Variants in SOCS2 observed in about 807,000 individuals in gnomAD.
SOCS2 encodes CIS-2.
A neutral mutation model predicts 18.6 loss-of-function variants in SOCS2; 10 were observed. The observed-to-expected ratio is 0.54, with a 90% confidence interval of 0.33 to 0.91. SOCS2 has a LOEUF of 0.91. Ranked by LOEUF, SOCS2 falls within the 40% of genes least tolerant of loss-of-function variation. The pLI is 0.02. For missense variants in SOCS2, 231 were observed against 247.2 expected, an observed-to-expected ratio of 0.93 and a Z score of 0.44; for synonymous variants, 104 against 104.0, an observed-to-expected ratio of 1.00 and a Z score of 0.00.
At chr12:93,594,132 TA>T in the SOCS2 span, among the ~76,000 whole-genome samples, 1 of 152,218 alleles carries the variant, frequency 6.6e-6, no homozygotes, top group African/African-American at 2.4e-5. Context: ...TTTTTTGAAA[TA>T]AAAAGGGAAG....
the SOCS2 span, among the ~76,000 whole-genome samples, chr12:93,603,374 A>G: frequency 6.6e-6 from 1 of 152,292 alleles, no homozygotes. Context: ...AGACTCAAAA[A>G]GGTTAGGCCC....
chr12:93,612,479 C>A, the SOCS2 span, among the ~76,000 whole-genome samples: 3 of 152,102 alleles, frequency 2.0e-5, no homozygotes, highest in African/African-American at 7.2e-5. Flanking sequence ...TTCCTTTGAA[C>A]CAGTTTCATA....
chr12:93,590,504 G>C, the SOCS2 span, among the ~76,000 whole-genome samples: 1 of 151,414 alleles, frequency 6.6e-6, no homozygotes, highest in Non-Finnish European at 1.5e-5. Flanking sequence ...ACTATTAAAA[G>C]TTAGCTTCCC....
downstream of SOCS2, among the ~76,000 whole-genome samples, chr12:93,578,877 T>A (rs1954500881): frequency 6.6e-6 from 1 of 152,206 alleles, no homozygotes. Flanking sequence ...CATCATATAT[T>A]TCTTCCGCTG....
At chr12:93,594,828 T>A in the SOCS2 span, among the ~76,000 whole-genome samples, 1 of 152,212 alleles carries the variant, frequency 6.6e-6, no homozygotes, top group African/African-American at 2.4e-5. Context: ...GTGTTTTAAA[T>A]AAGAATTAAC....
At chr12:93,573,418 C>A (rs892920188) in intron 1 of SOCS2, 2 of 420,364 alleles carry the variant, frequency 4.8e-6, no homozygotes, top group African/African-American at 4.1e-5. Flanking sequence ...GCCCCGCAGG[C>A]CCAGCAGCAT....
chr12:93,616,696 A>C, the SOCS2 span, among the ~76,000 whole-genome samples: 18 of 152,154 alleles, frequency 1.2e-4, no homozygotes, highest in African/African-American at 3.9e-4. Context: ...GTATGTGTGC[A>C]TCCAGTGACG....
At chr12:93,585,563 T>C (rs991443645), downstream of SOCS2, among the ~76,000 whole-genome samples, 4 of 152,220 alleles carry the variant, frequency 2.6e-5, no homozygotes, top group Non-Finnish European at 5.9e-5. Flanking sequence ...ACATATACCA[T>C]GCCATATATA....
the SOCS2 span, among the ~76,000 whole-genome samples, chr12:93,591,162 G>A: frequency 6.6e-6 from 1 of 151,764 alleles, no homozygotes; most frequent in Non-Finnish European, 1.5e-5. Context: ...CAGCTTGTTC[G>A]GGAGACTTGA....
At chr12:93,591,385 A>G in the SOCS2 span, among the ~76,000 whole-genome samples, 2 of 152,172 alleles carry the variant, frequency 1.3e-5, no homozygotes, top group Non-Finnish European at 2.9e-5. Flanking sequence ...TTAAGGGAGA[A>G]TGAACAAGAT....
At chr12:93,593,678 A>G in the SOCS2 span, among the ~76,000 whole-genome samples, 1 of 152,186 alleles carries the variant, frequency 6.6e-6, no homozygotes, top group South Asian at 2.1e-4. Flanking sequence ...TTCCCAAATT[A>G]CCTGCTTATC....
At chr12:93,612,756 T>C in the SOCS2 span, among the ~76,000 whole-genome samples, 16 of 152,316 alleles carry the variant, frequency 1.1e-4, no homozygotes, top group East Asian at 2.7e-3. Flanking sequence ...AATGAATCAA[T>C]GAATCAATGG....
the SOCS2 span, among the ~76,000 whole-genome samples, chr12:93,588,510 C>T: frequency 2.0e-5 from 3 of 151,866 alleles, no homozygotes; most frequent in African/African-American, 7.3e-5. Flanking sequence ...ACTCACATCA[C>T]CAAAGGAACG....
upstream of SOCS2, chr12:93,571,869 G>T: frequency 4.6e-6 from 2 of 431,594 alleles, no homozygotes; most frequent in Non-Finnish European, 9.2e-6. Context: ...CGCTGAGGAG[G>T]CTGCCTGGTG....
chr12:93,574,809 C>T lies in SOCS2; in HGVS notation c.227C>T (p.Ser76Leu), dbSNP rs148346233. ...PEGTFLIRDS[S>L]HSDYLLTISV... ...GGAACTTTCTTGATTAGAGATAGCT[C>T]GCATTCAGACTACCTACTAACAATA... The change falls in exon 2 of 2, where the codon TCG (serine) becomes TTG (leucine). Residue 76 changes from serine (S) to leucine (L), a missense_variant. Physicochemically the swap from Ser to Leu is moderately radical, Grantham distance 145 (BLOSUM62 -2). Transcript: ENST00000551556. 1.2e-6 allele frequency: 2 copies of T among 1,614,088 alleles called. No individual in the cohort carries two copies. Among genetic ancestry groups the T allele is most frequent in the East Asian group, 2.2e-5 (1 of 44,886 alleles).
downstream of SOCS2, among the ~76,000 whole-genome samples, chr12:93,583,915 A>G (rs1024157139): frequency 3.3e-5 from 5 of 152,250 alleles, no homozygotes; most frequent in Non-Finnish European, 7.3e-5. Flanking sequence ...AAATGATTTA[A>G]TAGTGTCGAA....
chr12:93,573,318 A>G (rs1301341820), intron 1 of SOCS2: 3 of 534,568 alleles, frequency 5.6e-6, no homozygotes, highest in Admixed American at 7.3e-5. Context: ...GCAGCTGCTC[A>G]GGGTTAGGCT....
the SOCS2 span, among the ~76,000 whole-genome samples, chr12:93,589,187 A>G: frequency 1.3e-5 from 2 of 152,214 alleles, no homozygotes; most frequent in African/African-American, 4.8e-5. Context: ...TAGACTGCAG[A>G]TTCTGGGCAG....
chr12:93,586,655 A>G (rs2136717925), downstream of SOCS2, among the ~76,000 whole-genome samples: 1 of 152,190 alleles, frequency 6.6e-6, no homozygotes. Context: ...TACTGAACAC[A>G]ATTCAGTTTT....
Sources: allele counts gnomAD v4.1 joint callset (sites outside exome capture counted in the v4.1 genomes callset), GRCh38; gene constraint gnomAD v4.1.1; transcripts MANE v1.5; gene names NCBI Gene and HGNC (gene_info 2026-07-23, HGNC 2026-07-21).